CAPZB: variants seen among roughly 807,000 people sequenced by gnomAD.
CAPZB encodes the protein F-actin-capping protein subunit beta.
Under a neutral mutation model 38.1 loss-of-function variants are expected in CAPZB, and 2 were observed. That is an observed-to-expected ratio of 0.05 (90% CI 0.02 to 0.17). The LOEUF (loss-of-function observed/expected upper bound fraction) is 0.17, where lower values mean the gene tolerates loss of function less well. Ranked by LOEUF, CAPZB falls within the 10% of genes least tolerant of loss-of-function variation. The pLI is 1.00. For synonymous variants in CAPZB, 107 were observed against 127.4 expected (o/e 0.84, Z 1.08); for missense variants, 161 against 334.2 (o/e 0.48, Z 4.04).
intron 4 of CAPZB, among the ~76,000 whole-genome samples, chr1:19,363,263 T>A (rs1323826326): frequency 3.0e-5 from 4 of 133,322 alleles, no homozygotes; most frequent in African/African-American, 1.1e-4. Flanking sequence ...AAAAAAAATT[T>A]TTTTTTTTTT....
chr1:19,438,104 G>A (rs1041912401), intron 1 of CAPZB, among the ~76,000 whole-genome samples: 1 of 152,150 alleles, frequency 6.6e-6, no homozygotes, highest in Non-Finnish European at 1.5e-5. Flanking sequence ...GGAGGGGACC[G>A]GGCACATGGT....
At chr1:19,363,573 T>A (rs554687350) in intron 4 of CAPZB, among the ~76,000 whole-genome samples, 1 of 152,248 alleles carries the variant, frequency 6.6e-6, no homozygotes, top group Admixed American at 6.5e-5. Flanking sequence ...GAAAACATAA[T>A]ACTTCACACT....
At chr1:19,442,230 C>T (rs2094479814) in intron 1 of CAPZB, among the ~76,000 whole-genome samples, 1 of 152,120 alleles carries the variant, frequency 6.6e-6, no homozygotes, top group African/African-American at 2.4e-5. Context: ...GTGCTTAGTC[C>T]TGTTGTTTAC....
chr1:19,353,294 C>T (rs971851392), intron 6 of CAPZB, among the ~76,000 whole-genome samples: 1 of 152,082 alleles, frequency 6.6e-6, no homozygotes, highest in Non-Finnish European at 1.5e-5. Context: ...GGCATGTGAG[C>T]GTGGGTGACC....
intron 1 of CAPZB, among the ~76,000 whole-genome samples, chr1:19,462,049 G>A (rs1180534948): frequency 6.6e-6 from 1 of 152,144 alleles, no homozygotes; most frequent in African/African-American, 2.4e-5. Flanking sequence ...AGGAGGCTGA[G>A]GAAGGAGGAT....
chr1:19,476,741 A>G (rs923895724), intron 1 of CAPZB, among the ~76,000 whole-genome samples: 1 of 152,230 alleles, frequency 6.6e-6, no homozygotes, highest in Non-Finnish European at 1.5e-5. Flanking sequence ...TGGAAAACAG[A>G]TTGCAGTTCA....
intron 1 of CAPZB, among the ~76,000 whole-genome samples, chr1:19,463,691 G>A (rs905849181): frequency 1.3e-5 from 2 of 152,150 alleles, no homozygotes; most frequent in African/African-American, 4.8e-5. Context: ...GAGCCAGGAA[G>A]ACCACTTGGC....
At chr1:19,345,064 C>T in intron 7 of CAPZB, 123 bp downstream of exon 7, 2 of 772,690 alleles carry the variant, frequency 2.6e-6, no homozygotes, top group Non-Finnish European at 4.4e-6. Flanking sequence ...CCAAGAAGCG[C>T]TCTGCCGGCT....
chr1:19,401,798 G>A (rs2100360966), intron 2 of CAPZB, among the ~76,000 whole-genome samples: 1 of 152,322 alleles, frequency 6.6e-6, no homozygotes, highest in African/African-American at 2.4e-5. Flanking sequence ...CACATAGGCT[G>A]ACGACCTATA....
At position 19,462,318 on chromosome 1, in the gene CAPZB, C is replaced by T. The variant is rs367758848; in HGVS notation, c.3+23118G>A. On this transcript the variant is annotated intron_variant, in intron 1 of 8. Coordinates refer to ENST00000264202, the MANE Select transcript of CAPZB (RefSeq NM_004930.5). ...ATACAAAAAAAAAAAATTAGCCAGG[C>T]GTGGTGGCGGGCGCCTGTAGTCCCA... Among the ~76,000 whole-genome samples the T allele has an allele frequency of 8.3e-3, 1,257 of 151,576 alleles. 19 individuals carry two copies. The highest frequency in any genetic ancestry group is 0.028 in the African/African-American group (1,171 of 41,288).
chr1:19,362,556 C>T (rs189121216), intron 4 of CAPZB, among the ~76,000 whole-genome samples: 80 of 152,196 alleles, frequency 5.3e-4, no homozygotes, highest in Non-Finnish European at 8.1e-4. Context: ...TAGGACCAGG[C>T]GCAGTGGCTC....
At position 19,358,385 on chromosome 1, in the gene CAPZB, G is replaced by A. The variant is rs187628734; in HGVS notation, c.330-822C>T. On this transcript the variant is annotated intron_variant, in intron 4 of 8. Transcript: ENST00000264202. Reference sequence around the variant, plus strand: ...AACCCTGACCTCAAGTGATCCACCCGCCTCAGCCTCCCAAAGTGCTGGGAT... The same window carrying A: ...AACCCTGACCTCAAGTGATCCACCCACCTCAGCCTCCCAAAGTGCTGGGAT... Among the ~76,000 whole-genome samples, 93 of 152,264 alleles carry A rather than the reference G, an allele frequency of 6.1e-4. 1 individual carries two copies. The highest frequency in any genetic ancestry group is 4.6e-3 in the Admixed American group (71 of 15,292).
chr1:19,409,642 T>A (rs1468610519), intron 2 of CAPZB, among the ~76,000 whole-genome samples: 1 of 152,234 alleles, frequency 6.6e-6, no homozygotes, highest in East Asian at 1.9e-4. Context: ...TGACCCTGGA[T>A]AAACTGCTGG....
At chr1:19,471,238 G>A (rs183155420) in intron 1 of CAPZB, among the ~76,000 whole-genome samples, 8 of 152,106 alleles carry the variant, frequency 5.3e-5, no homozygotes, top group Admixed American at 2.0e-4. Context: ...TGCAGAAATC[G>A]AAACTATGGA....
intron 2 of CAPZB, among the ~76,000 whole-genome samples, chr1:19,390,497 A>G (rs1374577848): frequency 6.6e-6 from 1 of 152,236 alleles, no homozygotes; most frequent in Non-Finnish European, 1.5e-5. Flanking sequence ...CATAATTCCC[A>G]GTGACTTGGA....
At chr1:19,390,300 C>T (rs1392279472) in intron 2 of CAPZB, among the ~76,000 whole-genome samples, 1 of 152,220 alleles carries the variant, frequency 6.6e-6, no homozygotes, top group African/African-American at 2.4e-5. Flanking sequence ...CTTTGGGGTG[C>T]ATGTGGCACT....
At chr1:19,448,716 G>T in intron 1 of CAPZB, 1 of 1,296,840 alleles carries the variant, frequency 7.7e-7, no homozygotes, top group Non-Finnish European at 1.1e-6. Context: ...TGTGCCTTGT[G>T]GATTCCATCA....
chr1:19,394,368 A>G (rs1394537975), intron 2 of CAPZB, among the ~76,000 whole-genome samples: 2 of 152,224 alleles, frequency 1.3e-5, no homozygotes, highest in Non-Finnish European at 2.9e-5. Flanking sequence ...AGTAATTATA[A>G]CATCGCTAAG....
chr1:19,344,863 T>G (rs1375599854), intron 7 of CAPZB, among the ~76,000 whole-genome samples: 2 of 152,178 alleles, frequency 1.3e-5, no homozygotes, highest in African/African-American at 4.8e-5. Flanking sequence ...TGGGATCTGC[T>G]TCCTCTCCCA....
Sources: gnomAD v4.1 joint callset for allele counts (sites outside exome capture counted in the v4.1 genomes callset) on GRCh38, gnomAD v4.1.1 for gene constraint, MANE v1.5 for transcripts, NCBI Gene and HGNC (gene_info 2026-07-23, HGNC 2026-07-21) for gene names.